The following CECR2 variants were observed in gnomAD, a reference collection of about 807,000 sequenced individuals.
CECR2 encodes the protein CECR2 histone acetyl-lysine reader.
CECR2 carries 30 observed loss-of-function variants against 154.5 expected under a neutral mutation model. The observed-to-expected ratio is 0.19, with a 90% CI of 0.15 to 0.26. CECR2 has a LOEUF of 0.26. CECR2 is among the 10% of genes least tolerant of loss of function. The pLI, the probability that CECR2 is intolerant of heterozygous loss-of-function variation, is 1.00. For missense variants in CECR2, 1,743 were observed against 1,829.3 expected (o/e 0.95, Z 0.86); for synonymous variants, 725 against 683.7 (o/e 1.06, Z -0.94).
chr22:17,456,734 G>A (rs1291944980), intron 1 of CECR2, among the ~76,000 whole-genome samples: 2 of 152,136 alleles, frequency 1.3e-5, no homozygotes, highest in African/African-American at 4.8e-5. Flanking sequence ...TGGCCTTGGG[G>A]TAAAAGTGCC....
chr22:17,415,650 C>T (rs1303966051), intron 1 of CECR2, among the ~76,000 whole-genome samples: 3 of 151,194 alleles, frequency 2.0e-5, no homozygotes, highest in Admixed American at 1.3e-4. Context: ...GGGAAGCCTC[C>T]GACAGGAAAA....
At position 17,554,367 on chromosome 22, in the gene CECR2, T is replaced by C. The variant is rs1293673567; in HGVS notation, c.*1527T>C. 3 of 152,236 alleles carry C rather than the reference T, an allele frequency of 2.0e-5. No homozygotes were observed. The highest frequency in any genetic ancestry group is 6.5e-5 in the Admixed American group (1 of 15,280). 9.4% of individuals were successfully genotyped at this position (152,236 alleles called of 1,614,324 possible). ...AATATTAATCTGCCCTAGTTTCTTA[T>C]AAATTCAGCTGTGGGAGGGGCCAGT... is the stretch of plus-strand genomic sequence containing the variant. On this transcript the variant is annotated 3_prime_UTR_variant, in exon 19 of 19. Coordinates refer to ENST00000262608, the MANE Select transcript of CECR2 (RefSeq NM_001290047.2).
At chr22:17,544,274 A>C (rs1601545792) in intron 16 of CECR2, among the ~76,000 whole-genome samples, 2 of 152,174 alleles carry the variant, frequency 1.3e-5, no homozygotes, top group East Asian at 3.9e-4. Context: ...CAAGGCAGGC[A>C]GATTACAAGG....
intron 1 of CECR2, among the ~76,000 whole-genome samples, chr22:17,400,333 G>C (rs1215974820): frequency 2.0e-5 from 3 of 152,188 alleles, no homozygotes; most frequent in African/African-American, 7.2e-5. Context: ...TGTCTGGGAA[G>C]GGCAGAACTT....
At chr22:17,504,104 G>T (rs1393694767) in intron 6 of CECR2, among the ~76,000 whole-genome samples, 1 of 142,154 alleles carries the variant, frequency 7.0e-6, no homozygotes, top group Non-Finnish European at 1.5e-5. Flanking sequence ...AGGTGCAGTG[G>T]CTCACACCTG....
In CECR2 at chr22:17,548,180, C is replaced by T. The variant is rs1485325889; in HGVS notation, c.2893C>T (p.Pro965Ser). ...GTTGCCTGGCCTTGAAGAGAAACCA[C>T]CAGGTGTTGGTACTTCAGAGGGGGT... is the stretch of plus-strand genomic sequence containing the variant. Reference protein sequence around the residue: ...EPLPGLEEKPPGVGTSEGVYL... With the variant: ...EPLPGLEEKPSGVGTSEGVYL... Residue 965 changes from proline (P) to serine (S), a missense_variant, in exon 17 of 19, where the codon CCA (proline) becomes TCA (serine). Pro to Ser is a moderately conservative substitution (Grantham distance 74). Coordinates refer to ENST00000262608, the MANE Select transcript of CECR2 (RefSeq NM_001290047.2). 4.5e-6 allele frequency: 7 copies of T among 1,572,392 alleles called. No homozygotes were observed. Among genetic ancestry groups the T allele is most frequent in the African/African-American group, 2.7e-5 (2 of 73,334 alleles).
intron 2 of CECR2, among the ~76,000 whole-genome samples, chr22:17,491,816 A>C (rs1357772884): frequency 6.6e-6 from 1 of 152,346 alleles, no homozygotes; most frequent in African/African-American, 2.4e-5. Context: ...TCATAAACAC[A>C]TGTAAAAATC....
chr22:17,478,379 G>T (rs899594562), intron 2 of CECR2, among the ~76,000 whole-genome samples: 1 of 130,182 alleles, frequency 7.7e-6, no homozygotes, highest in African/African-American at 2.8e-5. Context: ...TTTTTGAGAC[G>T]GAGTCTCACT....
chr22:17,397,584 G>A (rs1434631985), intron 1 of CECR2, among the ~76,000 whole-genome samples: 1 of 151,632 alleles, frequency 6.6e-6, no homozygotes, highest in Non-Finnish European at 1.5e-5. Context: ...TGCCATCTCC[G>A]CCTCCCGGGT....
At position 17,548,141 on chromosome 22, in the gene CECR2, TTTG is replaced by T. The variant is rs1390159443; in HGVS notation, c.2861-6_2861-4del. 1 of 1,500,834 alleles carries T rather than the reference TTTG, an allele frequency of 6.7e-7. No homozygotes were observed. The highest frequency in any genetic ancestry group is 1.3e-5 in the South Asian group (1 of 76,898). The allele number at this position is 1,500,834 out of a possible 1,614,324, so 93.0% of individuals were successfully genotyped here. A position where few individuals can be genotyped will look rare whatever the true frequency, so the allele number is the denominator to read the frequency against. On this transcript the variant is annotated splice_region_variant and splice_polypyrimidine_tract_variant and intron_variant, in intron 16 of 18. Transcript: ENST00000262608. ...ATTTTTTCTCCTCTTTTTTTTTTTT[TTTG>T]CAGCAGAGCCGTTGCCTGGCCTTGA... is the stretch of plus-strand genomic sequence containing the variant.
intron 1 of CECR2, among the ~76,000 whole-genome samples, chr22:17,391,222 C>A (rs1252032635): frequency 2.0e-5 from 3 of 152,176 alleles, no homozygotes; most frequent in African/African-American, 7.2e-5. Flanking sequence ...ACTGAAATAT[C>A]CTCAGTTGTC....
chr22:17,549,882 T>C (rs2056682531), intron 17 of CECR2, among the ~76,000 whole-genome samples: 1 of 147,466 alleles, frequency 6.8e-6, no homozygotes, highest in Non-Finnish European at 1.5e-5. Flanking sequence ...TGCCTCAGCC[T>C]GTCAAAGTGC....
intron 2 of CECR2, among the ~76,000 whole-genome samples, chr22:17,487,532 T>C (rs2055443498): frequency 1.3e-5 from 2 of 152,142 alleles, no homozygotes; most frequent in African/African-American, 4.8e-5. Flanking sequence ...ACCCCGTCTG[T>C]ACTTAAAAAA....
At chr22:17,462,949 A>G (rs1044546635) in intron 1 of CECR2, among the ~76,000 whole-genome samples, 6 of 152,184 alleles carry the variant, frequency 3.9e-5, no homozygotes, top group African/African-American at 1.4e-4. Context: ...GGCAAATACA[A>G]TTTTGGGGAA....
At chr22:17,483,011 A>G (rs549109236) in intron 2 of CECR2, among the ~76,000 whole-genome samples, 5 of 152,216 alleles carry the variant, frequency 3.3e-5, no homozygotes, top group African/African-American at 9.6e-5. Flanking sequence ...ACTATAATAT[A>G]CAACAGCCTC....
At chr22:17,452,542 G>A (rs1324496619) in intron 1 of CECR2, among the ~76,000 whole-genome samples, 1 of 152,188 alleles carries the variant, frequency 6.6e-6, no homozygotes, top group Non-Finnish European at 1.5e-5. Context: ...CTGGGATATG[G>A]CGTGAGAGAG....
At chr22:17,464,203 A>G (rs1259527558) in intron 1 of CECR2, among the ~76,000 whole-genome samples, 1 of 152,230 alleles carries the variant, frequency 6.6e-6, no homozygotes, top group Non-Finnish European at 1.5e-5. Flanking sequence ...GAACTGCTTC[A>G]TCAGTTGAGA....
intron 9 of CECR2, among the ~76,000 whole-genome samples, chr22:17,526,898 A>T (rs1198489695): frequency 6.6e-6 from 1 of 151,960 alleles, no homozygotes; most frequent in Non-Finnish European, 1.5e-5. Context: ...CCTCTAGGAC[A>T]TTGATTTCAA....
chr22:17,397,599 C>G (rs1380405464), intron 1 of CECR2, among the ~76,000 whole-genome samples: 1 of 151,652 alleles, frequency 6.6e-6, no homozygotes. Context: ...CCGGGTTCAC[C>G]CCATTCTCCT....
Sources: allele counts gnomAD v4.1 joint callset (sites outside exome capture counted in the v4.1 genomes callset), GRCh38; gene constraint gnomAD v4.1.1; transcripts MANE v1.5; gene names NCBI Gene and HGNC (gene_info 2026-07-23, HGNC 2026-07-21).